DGKB: variants seen among roughly 807,000 people sequenced by gnomAD.
DGKB encodes 90 kDa diacylglycerol kinase.
In DGKB, 67 loss-of-function variants were observed where a neutral mutation model predicts 114.3. That is an observed-to-expected ratio of 0.59 (90% CI 0.48 to 0.72). DGKB has a LOEUF of 0.72. Ranked by LOEUF, DGKB falls within the 30% of genes least tolerant of loss-of-function variation. The pLI is 0.00. For synonymous variants in DGKB, 398 were observed against 323.1 expected, an observed-to-expected ratio of 1.23 and a Z score of -2.49; for missense variants, 907 against 975.2, an observed-to-expected ratio of 0.93 and a Z score of 0.93.
chr7:14,166,896 A>G (rs1315749571), intron 25 of DGKB, among the ~76,000 whole-genome samples: 1 of 152,106 alleles, frequency 6.6e-6, no homozygotes. Flanking sequence ...TACAGATCAG[A>G]GTGAATGGGA....
chr7:14,253,279 C>T (rs975567896), intron 23 of DGKB, among the ~76,000 whole-genome samples: 8 of 152,056 alleles, frequency 5.3e-5, no homozygotes, highest in Admixed American at 2.6e-4. Flanking sequence ...GTGATCCGCC[C>T]GCCTCAGCCT....
chr7:14,394,202 A>C (rs1462659075), intron 21 of DGKB, among the ~76,000 whole-genome samples: 2 of 152,186 alleles, frequency 1.3e-5, no homozygotes, highest in Admixed American at 1.3e-4. Context: ...GGGTTTCCAC[A>C]ACTTACTTGG....
rs537005927 is a variant in DGKB, at chr7:14,273,120, G to T, written c.2122+65395C>A. On this transcript the variant is annotated intron_variant, in intron 23 of 25. Transcript: ENST00000402815. ...AGCACTTTGGGAGGTGGAGGCAGGT[G>T]GATGGCTTGAGTTCAGGAGTTTGAA... 7.2e-5 allele frequency among the ~76,000 whole-genome samples: 11 copies of T among 152,248 alleles called. No individual in the cohort carries two copies. The South Asian group carries it at 1.0e-3, about 14-fold the overall frequency.
At chr7:14,640,418 T>C (rs534647479) in intron 13 of DGKB, among the ~76,000 whole-genome samples, 3 of 152,266 alleles carry the variant, frequency 2.0e-5, no homozygotes, top group African/African-American at 7.2e-5. Flanking sequence ...ATGAGAGTAA[T>C]GTAATGAAGA....
intron 20 of DGKB, among the ~76,000 whole-genome samples, chr7:14,481,936 A>T (rs186793262): frequency 6.6e-6 from 1 of 152,140 alleles, no homozygotes; most frequent in Admixed American, 6.6e-5. Flanking sequence ...GTTTTGTCAA[A>T]GGTACACAAT....
chr7:14,490,112 T>G (rs1363118438), intron 20 of DGKB, among the ~76,000 whole-genome samples: 1 of 152,088 alleles, frequency 6.6e-6, no homozygotes, highest in Non-Finnish European at 1.5e-5. Context: ...ATTTCCTTAG[T>G]GAGTCAATGA....
chr7:14,902,042 G>A (rs550210302), intron 1 of DGKB, among the ~76,000 whole-genome samples: 69 of 152,226 alleles, frequency 4.5e-4, no homozygotes, highest in Non-Finnish European at 8.7e-4. Context: ...GTATTTGAAT[G>A]TTTATCATAT....
At chr7:14,469,698 T>C (rs1324684791) in intron 21 of DGKB, among the ~76,000 whole-genome samples, 1 of 152,034 alleles carries the variant, frequency 6.6e-6, no homozygotes, top group Non-Finnish European at 1.5e-5. Flanking sequence ...CATTTCTACC[T>C]GCTCAGATCC....
intron 21 of DGKB, among the ~76,000 whole-genome samples, chr7:14,459,983 A>G (rs1374963077): frequency 1.3e-5 from 2 of 152,216 alleles, no homozygotes; most frequent in Non-Finnish European, 2.9e-5. Flanking sequence ...CCAGAATTCC[A>G]TATCCAGGCA....
intron 23 of DGKB, among the ~76,000 whole-genome samples, chr7:14,225,754 T>C (rs748549255): frequency 6.6e-6 from 1 of 151,986 alleles, no homozygotes; most frequent in Non-Finnish European, 1.5e-5. Context: ...AGTGGATTAA[T>C]TAAGAGTATC....
At chr7:14,384,467 C>A (rs1221932018) in intron 21 of DGKB, among the ~76,000 whole-genome samples, 2 of 152,114 alleles carry the variant, frequency 1.3e-5, no homozygotes, top group Non-Finnish European at 2.9e-5. Context: ...CACCACTAAA[C>A]CCAATGTGTT....
At chr7:14,789,352 G>A (rs1172803991) in intron 2 of DGKB, among the ~76,000 whole-genome samples, 1 of 151,982 alleles carries the variant, frequency 6.6e-6, no homozygotes, top group African/African-American at 2.4e-5. Flanking sequence ...ACATTCATCT[G>A]TTCTTCATTT....
At chr7:14,929,867 A>T (rs1784917951) in intron 1 of DGKB, among the ~76,000 whole-genome samples, 1 of 152,128 alleles carries the variant, frequency 6.6e-6, no homozygotes, top group Admixed American at 6.6e-5. Context: ...CTTACGTTTA[A>T]GTCTTTAATC....
rs190148846 is a variant in DGKB, at chr7:14,176,720, A to C, written c.2304+119T>G. 471 of 1,523,142 alleles carry C rather than the reference A, an allele frequency of 3.1e-4. 1 individual carries two copies. The African/African-American group carries it at 5.7e-3, about 18-fold the overall frequency. 94.4% of individuals were successfully genotyped at this position (1,523,142 alleles called of 1,614,324 possible). On this transcript the variant is annotated intron_variant, in intron 25 of 25. Coordinates refer to ENST00000402815, the MANE Select transcript of DGKB (RefSeq NM_001350709.2). ...ACACACACATAACAACAACAACAAA[A>C]AGACTATTTGCTGATAGGTTGAAAA...
chr7:14,274,263 T>G (rs1798677957), intron 23 of DGKB, among the ~76,000 whole-genome samples: 1 of 152,192 alleles, frequency 6.6e-6, no homozygotes, highest in African/African-American at 2.4e-5. Flanking sequence ...TGATACGCAG[T>G]GATAGTTTCA....
intron 1 of DGKB, among the ~76,000 whole-genome samples, chr7:14,952,283 G>T (rs1417772710): frequency 6.6e-6 from 1 of 151,944 alleles, no homozygotes; most frequent in Non-Finnish European, 1.5e-5. Flanking sequence ...AAAATTATAA[G>T]ACTATAAATC....
At chr7:14,356,427 T>C (rs1179083184) in intron 21 of DGKB, among the ~76,000 whole-genome samples, 1 of 142,984 alleles carries the variant, frequency 7.0e-6, no homozygotes, top group Non-Finnish European at 1.5e-5. Flanking sequence ...AGTGGCACGA[T>C]CTCGGCTCAC....
intron 21 of DGKB, among the ~76,000 whole-genome samples, chr7:14,397,743 T>C (rs1463694276): frequency 6.6e-6 from 1 of 151,966 alleles, no homozygotes; most frequent in Admixed American, 6.6e-5. Flanking sequence ...TCTCTTGTAC[T>C]TCTTAGCTTT....
intron 14 of DGKB, among the ~76,000 whole-genome samples, chr7:14,627,833 C>T (rs749676007): frequency 3.3e-5 from 5 of 151,846 alleles, no homozygotes; most frequent in Non-Finnish European, 7.4e-5. Flanking sequence ...ATCCCAGCTA[C>T]TTTGGCGGCT....
Sources: allele counts gnomAD v4.1 joint callset (sites outside exome capture counted in the v4.1 genomes callset), GRCh38; gene constraint gnomAD v4.1.1; transcripts MANE v1.5; gene names NCBI Gene and HGNC (gene_info 2026-07-23, HGNC 2026-07-21).